DNAH5: variants seen among roughly 807,000 people sequenced by gnomAD.
The protein encoded by DNAH5 is dynein axonemal heavy chain 5, also known as axonemal beta dynein heavy chain 5.
In DNAH5, 372 loss-of-function variants were observed where a neutral mutation model predicts 518.2. The observed-to-expected ratio is 0.72, with a 90% CI of 0.66 to 0.78. The LOEUF (loss-of-function observed/expected upper bound fraction) is 0.78. DNAH5 is among the 30% of genes least tolerant of loss of function. DNAH5 has a pLI of 0.00. For synonymous variants in DNAH5, 2,039 were observed against 2,025.9 expected (o/e 1.01, Z -0.17); for missense variants, 5,523 against 5,687.0 (o/e 0.97, Z 0.93).
intron 16 of DNAH5, among the ~76,000 whole-genome samples, chr5:13,891,391 T>A (rs904390161): frequency 3.3e-5 from 5 of 152,338 alleles, no homozygotes; most frequent in African/African-American, 1.2e-4. Context: ...TATTATAAAG[T>A]TTTTATACAT....
chr5:13,787,691 T>G (rs989206758), intron 51 of DNAH5, among the ~76,000 whole-genome samples: 3 of 150,270 alleles, frequency 2.0e-5, no homozygotes, highest in Non-Finnish European at 3.0e-5. Context: ...TTACATACAT[T>G]TTAATTACCT....
chr5:13,703,393 T>G (rs1309206329), intron 76 of DNAH5, among the ~76,000 whole-genome samples: 1 of 112,764 alleles, frequency 8.9e-6, no homozygotes, highest in Non-Finnish European at 2.0e-5. Flanking sequence ...AGGCAACTAG[T>G]GTACCCCAAG....
At position 13,758,881 on chromosome 5, in the gene DNAH5, G is replaced by A. The variant is rs571919972; in HGVS notation, c.10384C>T (p.Gln3462Ter). 5.8e-5 allele frequency: 94 copies of A among 1,614,054 alleles called. No homozygotes were observed. Among genetic ancestry groups the A allele is most frequent in the Non-Finnish European group, 7.6e-5 (90 of 1,180,028 alleles). The change falls in exon 61 of 79, where the codon CAG (glutamine) becomes TAG (stop). Residue 3462 changes from glutamine (Q) to a stop codon, truncating the protein, a stop_gained. Transcript: ENST00000265104. LOFTEE classifies it high-confidence loss of function. ...GTCATGGCCTGTTCATACTCAGCCT[G>A]CACCACGTCAAGTTCCGCCTGCTTG... ...DDKQAELDVV[Q>*]AEYEQAMTEK...
chr5:13,918,946 T>A (rs1776952850), intron 7 of DNAH5, among the ~76,000 whole-genome samples: 1 of 152,216 alleles, frequency 6.6e-6, no homozygotes, highest in Non-Finnish European at 1.5e-5. Flanking sequence ...CTTAATTACA[T>A]ACAATGCCAA....
At chr5:13,984,718 ATTGAGAG>A (rs1782913776) in intron 1 of DNAH5, among the ~76,000 whole-genome samples, 1 of 152,196 alleles carries the variant, frequency 6.6e-6, no homozygotes, top group Admixed American at 6.6e-5. Context: ...TATCTAATTT[ATTGAGAG>A]TTTTTAGCAT....
At chr5:13,993,866 G>T (rs1483489075) in intron 1 of DNAH5, among the ~76,000 whole-genome samples, 8 of 152,188 alleles carry the variant, frequency 5.3e-5, no homozygotes, top group Non-Finnish European at 1.2e-4. Flanking sequence ...AGACGGCTAA[G>T]GGTGCAAGAT....
At chr5:13,981,349 G>A (rs1782661272) in intron 1 of DNAH5, among the ~76,000 whole-genome samples, 1 of 152,136 alleles carries the variant, frequency 6.6e-6, no homozygotes, top group South Asian at 2.1e-4. Context: ...TCACACTTGT[G>A]CCCCAGCACC....
chr5:13,721,291 T>C (rs768716079), intron 70 of DNAH5, 46 bp from the exon 71 acceptor site: 1 of 1,613,044 alleles, frequency 6.2e-7, no homozygotes, highest in South Asian at 1.1e-5. Context: ...TCCAACTCTT[T>C]CATGTAGATA....
chr5:13,755,404 T>A (rs1035833822), intron 61 of DNAH5, among the ~76,000 whole-genome samples: 11 of 152,198 alleles, frequency 7.2e-5, no homozygotes, highest in Admixed American at 1.3e-4. Flanking sequence ...CAATATATTG[T>A]TAAAAATTCG....
chr5:13,996,938 T>C (rs1784008767), intron 1 of DNAH5, among the ~76,000 whole-genome samples: 1 of 152,228 alleles, frequency 6.6e-6, no homozygotes, highest in African/African-American at 2.4e-5. Flanking sequence ...GGGGACTCTC[T>C]GTGGTGGTCC....
chr5:13,810,465 G>T, intron 44 of DNAH5: 1 of 619,126 alleles, frequency 1.6e-6, no homozygotes, highest in South Asian at 1.9e-5. Context: ...GGTTGGCCGG[G>T]CACGGTGGCT....
chr5:13,778,600 G>GAA lies in DNAH5; in HGVS notation c.8952-1246_8952-1245insTT, dbSNP rs1272994718. On this transcript the variant is annotated intron_variant, in intron 53 of 78. Transcript: ENST00000265104. ...AAAGAAAGAAAGAAAGAAAGAAAGAGAGAGAGAAAGAAAAAGAAAGAAAGA... is the reference window on the plus strand; with the variant it reads ...AAAGAAAGAAAGAAAGAAAGAAAGAGAAAGAGAGAAAGAAAAAGAAAGAAAGA... Among the ~76,000 whole-genome samples, 223 of 72,880 alleles carry GAA rather than the reference G, an allele frequency of 3.1e-3. 3 individuals carry two copies. Among genetic ancestry groups the GAA allele is most frequent in the Middle Eastern group, 6.4e-3 (1 of 156 alleles). 47.8% of individuals were successfully genotyped at this position (72,880 alleles called of 152,430 possible).
intron 65 of DNAH5, among the ~76,000 whole-genome samples, chr5:13,747,118 TAC>T (rs1749473615): frequency 6.7e-6 from 1 of 149,660 alleles, no homozygotes. Context: ...AATTCCCACC[TAC>T]GAGTGAGAAC....
chr5:13,723,700 T>C (rs941495624), intron 70 of DNAH5, among the ~76,000 whole-genome samples: 1 of 152,216 alleles, frequency 6.6e-6, no homozygotes, highest in Non-Finnish European at 1.5e-5. Context: ...AATGTGAAAG[T>C]TATACAATCT....
chr5:13,778,498 G>GGGAGGGAT, intron 53 of DNAH5, among the ~76,000 whole-genome samples: 1 of 131,118 alleles, frequency 7.6e-6, no homozygotes, highest in East Asian at 2.4e-4. Context: ...AAGGAAGGAA[G>GGGAGGGAT]GGAGGGAGGG....
chr5:13,975,045 G>T (rs577251358), intron 1 of DNAH5, among the ~76,000 whole-genome samples: 3 of 152,322 alleles, frequency 2.0e-5, no homozygotes, highest in South Asian at 4.1e-4. Context: ...AGGCAGAACT[G>T]TAGGGGCGTT....
At chr5:13,831,793 AG>A (rs1441794615) in intron 35 of DNAH5, among the ~76,000 whole-genome samples, 1 of 152,190 alleles carries the variant, frequency 6.6e-6, no homozygotes, top group African/African-American at 2.4e-5. Flanking sequence ...TCCCTTCCAA[AG>A]CAGAGTCTGT....
chr5:13,902,190 T>C lies in DNAH5; in HGVS notation c.1645-52A>G, dbSNP rs776980713. 12 of 1,339,250 alleles carry C rather than the reference T, an allele frequency of 9.0e-6. No homozygotes were observed. In the Admixed American group the frequency reaches 2.1e-4, roughly 24 times the overall value. The allele number at this position is 1,339,250 out of a possible 1,614,324, so 83.0% of individuals were successfully genotyped here. On this transcript the variant is annotated intron_variant, in intron 12 of 78. Transcript: ENST00000265104. ...AACAATAGAATTGGGAATTTACTGT[T>C]TAGCAACAAGATAAAAGAGCTTTCC...
chr5:13,933,064 C>G (rs1159485423), intron 1 of DNAH5, among the ~76,000 whole-genome samples: 1 of 152,192 alleles, frequency 6.6e-6, no homozygotes, highest in Non-Finnish European at 1.5e-5. Context: ...ACCACCAACT[C>G]CTGAGAATAA....
Sources: gnomAD v4.1 joint callset for allele counts (sites outside exome capture counted in the v4.1 genomes callset) on GRCh38, gnomAD v4.1.1 for gene constraint, MANE v1.5 for transcripts, NCBI Gene and HGNC (gene_info 2026-07-23, HGNC 2026-07-21) for gene names.